PCYT1B: variants seen among roughly 807,000 people sequenced by gnomAD.
PCYT1B encodes the protein phosphate cytidylyltransferase 1B, choline, also known as choline-phosphate cytidylyltransferase B.
PCYT1B carries 10 observed loss-of-function variants against 26.4 expected under a neutral mutation model. That is an observed-to-expected ratio of 0.38 (90% CI 0.23 to 0.64). The LOEUF is 0.64. Among genes scored for constraint, PCYT1B ranks in the 30% least tolerant of loss-of-function variants. The pLI, the probability that PCYT1B is intolerant of heterozygous loss-of-function variation, is 0.56. For synonymous variants in PCYT1B, 131 were observed against 108.4 expected, an observed-to-expected ratio of 1.21 and a Z score of -1.29; for missense variants, 161 against 292.7, an observed-to-expected ratio of 0.55 and a Z score of 3.28.
intron 2 of PCYT1B, among the ~76,000 whole-genome samples, chrX:24,616,810 T>C (rs1390565209): frequency 1.8e-5 from 2 of 112,013 alleles, no homozygotes; most frequent in Non-Finnish European, 3.8e-5. Context: ...GTTTTGCCTT[T>C]TTCAAAAGCA....
intron 1 of PCYT1B, among the ~76,000 whole-genome samples, chrX:24,664,722 T>C (rs187775513): frequency 1.8e-5 from 2 of 111,533 alleles, no homozygotes; most frequent in Admixed American, 1.9e-4. Flanking sequence ...CTTTGGGAGG[T>C]TGAGGCAGAC....
intron 4 of PCYT1B, among the ~76,000 whole-genome samples, chrX:24,589,549 AG>A (rs1369288284): frequency 8.9e-6 from 1 of 112,134 alleles, no homozygotes; most frequent in African/African-American, 3.2e-5. Context: ...CCCATGAAAA[AG>A]AATGCCTGTG....
chrX:24,593,420 CTT>C (rs1387532704), intron 3 of PCYT1B, among the ~76,000 whole-genome samples: 3 of 86,110 alleles, frequency 3.5e-5, no homozygotes, highest in Non-Finnish European at 6.6e-5. Flanking sequence ...TTCTTTCTCT[CTT>C]TCTTTCTTTC....
rs1206723297 is a variant in PCYT1B at position 24,633,432 on chromosome X, G to T, written c.117+13557C>A. ...CTCACACCTGTAATCCCAGCACTTT[G>T]GGAGGCCGAGGAGGGCAGGCCACTT... is the stretch of plus-strand genomic sequence containing the variant. On this transcript the variant is annotated intron_variant, in intron 1 of 7. Transcript: ENST00000379144. Among the ~76,000 whole-genome samples, 8 of 110,368 alleles carry T rather than the reference G, an allele frequency of 7.2e-5. No homozygotes were observed. In the South Asian group the frequency reaches 1.2e-3, roughly 16 times the overall value.
chrX:24,572,266 G>GCACACACA (rs753296581), intron 7 of PCYT1B, among the ~76,000 whole-genome samples: 3 of 99,027 alleles, frequency 3.0e-5, no homozygotes, highest in Non-Finnish European at 4.0e-5. Context: ...ACACGCGCGC[G>GCACACACA]CACACACACA....
chrX:24,636,774 T>G (rs1289901410), intron 1 of PCYT1B, among the ~76,000 whole-genome samples: 1 of 112,331 alleles, frequency 8.9e-6, no homozygotes, highest in Non-Finnish European at 1.9e-5. Context: ...CTATTTTATT[T>G]TATATTTTAT....
chrX:24,656,780 C>A lies in PCYT1B; in HGVS notation c.63+15790G>T, dbSNP rs1290750992. ...CTCCTGACCTCAAGTGATCCCCCAA[C>A]CTCGGCCTCCCAAAACGCTGGGATT... On this transcript the variant is annotated intron_variant, in intron 1 of 7. Transcript: ENST00000379145. Among the ~76,000 whole-genome samples the A allele has an allele frequency of 1.7e-4, 19 of 109,472 alleles. No individual in the cohort carries two copies. In the Admixed American group the frequency reaches 1.9e-3, roughly 11 times the overall value.
intron 2 of PCYT1B, among the ~76,000 whole-genome samples, chrX:24,613,127 A>G (rs886896460): frequency 8.9e-6 from 1 of 111,864 alleles, no homozygotes; most frequent in African/African-American, 3.2e-5. Flanking sequence ...TTGAGTGCAA[A>G]TCAAACTCAC....
At chrX:24,637,757 T>C (rs1399703781) in intron 1 of PCYT1B, among the ~76,000 whole-genome samples, 1 of 108,454 alleles carries the variant, frequency 9.2e-6, no homozygotes. Context: ...GCTTATTTCA[T>C]GGGTCTGCAG....
intron 6 of PCYT1B, 69 bp downstream of exon 6, chrX:24,579,247 A>G: frequency 9.1e-7 from 1 of 1,093,195 alleles, no homozygotes; most frequent in Non-Finnish European, 1.3e-6. Flanking sequence ...TAAGTGCTCA[A>G]TAAACAGCAG....
upstream of PCYT1B, among the ~76,000 whole-genome samples, chrX:24,651,472 AATATATATAT>A (rs200652780): frequency 7.2e-3 from 188 of 26,015 alleles, 7 homozygotes; most frequent in African/African-American, 0.028. Context: ...AAAAAAAAAA[AATATATATAT>A]ATATATATAT....
At chrX:24,627,060 G>A (rs932312330) in intron 1 of PCYT1B, among the ~76,000 whole-genome samples, 4 of 112,293 alleles carry the variant, frequency 3.6e-5, no homozygotes, top group Non-Finnish European at 7.5e-5. Context: ...TGATGTATGT[G>A]TAAATATATA....
In PCYT1B at chrX:24,591,676, G is replaced by A. The variant is rs138159799; in HGVS notation, c.335-1502C>T. Among the ~76,000 whole-genome samples the A allele has an allele frequency of 3.1e-3, 347 of 111,441 alleles. 4 individuals are homozygous for A. The highest frequency in any genetic ancestry group is 0.011 in the African/African-American group (323 of 30,667). On this transcript the variant is annotated intron_variant, in intron 3 of 7. Coordinates refer to ENST00000379144, the MANE Select transcript of PCYT1B (RefSeq NM_004845.5). The stretch of plus-strand genomic sequence containing the variant: ...GACTGCAAGTGATCCACCGGTCTCA[G>A]CCTCCCAAAGTGTTGGGATTACAGG...
intron 7 of PCYT1B, among the ~76,000 whole-genome samples, chrX:24,573,312 C>T (rs780447415): frequency 1.7e-4 from 19 of 110,567 alleles, no homozygotes; most frequent in African/African-American, 5.9e-4. Flanking sequence ...TACAGATACG[C>T]GCCACCACAC....
At chrX:24,641,838 G>C (rs767596815) in intron 1 of PCYT1B, among the ~76,000 whole-genome samples, 1 of 111,944 alleles carries the variant, frequency 8.9e-6, no homozygotes, top group African/African-American at 3.2e-5. Context: ...TATTTCTACT[G>C]GGCAGAGCTG....
intron 6 of PCYT1B, among the ~76,000 whole-genome samples, chrX:24,576,115 C>T (rs758485962): frequency 6.2e-5 from 7 of 112,131 alleles, no homozygotes; most frequent in Non-Finnish European, 1.3e-4. Context: ...TTAGTAAATG[C>T]TCAGTGTATG....
At chrX:24,621,782 T>G in intron 1 of PCYT1B, 1 of 494,418 alleles carries the variant, frequency 2.0e-6, no homozygotes, top group Non-Finnish European at 2.5e-6. Context: ...CTAAAATAAA[T>G]TACTATTTGG....
intron 1 of PCYT1B, among the ~76,000 whole-genome samples, chrX:24,661,614 AC>A (rs1221126221): frequency 8.9e-6 from 1 of 112,049 alleles, no homozygotes; most frequent in Non-Finnish European, 1.9e-5. Flanking sequence ...TGTTAACACC[AC>A]AGGGATGCAA....
chrX:24,575,463 G>A (rs1923986029), intron 6 of PCYT1B, 145 bp from the exon 7 acceptor site: 2 of 439,397 alleles, frequency 4.6e-6, no homozygotes, highest in East Asian at 8.2e-5. Flanking sequence ...TTTCCCAAGG[G>A]CTAGGTTGAT....
Sources: gnomAD v4.1 joint callset for allele counts (sites outside exome capture counted in the v4.1 genomes callset) on GRCh38, gnomAD v4.1.1 for gene constraint, MANE v1.5 for transcripts, NCBI Gene and HGNC (gene_info 2026-07-23, HGNC 2026-07-21) for gene names.